Variants in FAT2 observed in about 807,000 individuals in gnomAD.
FAT2 encodes FAT atypical cadherin 2.
In FAT2, 150 loss-of-function variants were observed where a neutral mutation model predicts 295.3. The observed-to-expected ratio is 0.51, with a 90% confidence interval of 0.44 to 0.58. The LOEUF (loss-of-function observed/expected upper bound fraction) is 0.58, where lower values mean the gene tolerates loss of function less well. Among genes scored for constraint, FAT2 ranks in the 20% least tolerant of loss-of-function variants. FAT2 has a pLI of 0.00. For missense variants in FAT2, 4,868 were observed against 5,442.7 expected (o/e 0.89, Z 3.32); for synonymous variants, 2,026 against 2,150.3 (o/e 0.94, Z 1.60).
At chr5:151,550,989 C>T in intron 7 of FAT2, 118 bp from the exon 8 acceptor site, 1 of 815,476 alleles carries the variant, frequency 1.2e-6, no homozygotes. Flanking sequence ...TCAGCAATCA[C>T]TTGATAAATA....
chr5:151,566,496 G>A lies in FAT2; in HGVS notation c.2436C>T (p.Asp812=), dbSNP rs762885613. The change falls in exon 2 of 24, where the codon GAC becomes GAT. Residue 812 remains aspartate (D), a synonymous_variant. Transcript: ENST00000261800. ...SWKLLTVNVK[D]WNDNAPRFPP... ...GAAATCTGGGTGCGTTGTCATTCCA[G>A]TCTTTCACATTCACTGTCAGCAGCT... 3.1e-6 allele frequency: 5 copies of A among 1,614,040 alleles called. No homozygotes were observed. The highest frequency in any genetic ancestry group is 3.4e-6 in the Non-Finnish European group (4 of 1,179,996).
intron 1 of FAT2, among the ~76,000 whole-genome samples, chr5:151,574,813 G>C (rs13359319): frequency 0.035 from 5,070 of 144,444 alleles, 190 homozygotes; most frequent in African/African-American, 0.087. Context: ...GGCAGCCACT[G>C]TCAGATTCTC....
intron 8 of FAT2, 123 bp from the exon 9 acceptor site, chr5:151,549,628 A>G: frequency 1.4e-6 from 1 of 705,652 alleles, no homozygotes; most frequent in South Asian, 1.8e-5. Flanking sequence ...AACTCCCCAT[A>G]TTCTTTTAAA....
chr5:151,507,011 T>C (rs2127563925), intron 23 of FAT2, 143 bp downstream of exon 23: 2 of 694,238 alleles, frequency 2.9e-6, no homozygotes, highest in African/African-American at 1.8e-5. Flanking sequence ...TGCCCTGTAA[T>C]CTTGAACACA....
chr5:151,507,585 GAAC>G lies in FAT2; in HGVS notation c.12083_12085del (p.Cys4028del). On this transcript the variant is annotated inframe_deletion, in exon 23 of 24. Transcript: ENST00000261800. ...GGGAGTGACTAGGCAGTGTCCTTCT[GAAC>G]AACCCCTCGCCTCCATTTCACACCT... The G allele has an allele frequency of 6.2e-7, 1 of 1,610,878 alleles. No individual in the cohort carries two copies.
upstream of FAT2, among the ~76,000 whole-genome samples, chr5:151,591,846 T>C (rs1759424013): frequency 6.6e-6 from 1 of 152,184 alleles, no homozygotes; most frequent in African/African-American, 2.4e-5. Context: ...CTCATAAGGT[T>C]GTTATGAGAA....
upstream of FAT2, among the ~76,000 whole-genome samples, chr5:151,592,615 C>T (rs1044716795): frequency 1.3e-5 from 2 of 152,216 alleles, no homozygotes; most frequent in African/African-American, 4.8e-5. Flanking sequence ...AAGAATTATT[C>T]ATACCGTTGT....
Position 151,505,641 on chromosome 5 carries a change from G to C in FAT2, c.12974C>G (p.Pro4325Arg). 6.2e-7 allele frequency: 1 copy of C among 1,614,140 alleles called. No individual in the cohort carries two copies. Among genetic ancestry groups the C allele is most frequent in the South Asian group, 1.1e-5 (1 of 91,086 alleles). The change falls in exon 24 of 24, where the codon CCC becomes CGC. Residue 4325 changes from proline (P) to arginine (R), a missense_variant. Pro to Arg is a moderately radical substitution (Grantham distance 103, BLOSUM62 -2). This residue lies in a region of FAT2 where 492 missense variants were observed against 482.6 expected (regional missense o/e 1.02). Coordinates refer to ENST00000261800, the MANE Select transcript of FAT2 (RefSeq NM_001447.3). ...EGAPLAGQGQPRVPPNYEGSD... is the reference protein window; with the variant it reads ...EGAPLAGQGQRRVPPNYEGSD... Reference sequence around the variant, plus strand: ...GCCCTCATAGTTGGGGGGCACCCGGGGCTGGCCCTGGCCTGCAAGAGGTGC... The same window carrying C: ...GCCCTCATAGTTGGGGGGCACCCGGCGCTGGCCCTGGCCTGCAAGAGGTGC...
chr5:151,508,542 T>A (rs1399338744), intron 22 of FAT2, among the ~76,000 whole-genome samples: 2 of 152,066 alleles, frequency 1.3e-5, no homozygotes, highest in African/African-American at 4.8e-5. Flanking sequence ...AAACCCCGTA[T>A]CTACTAAAAA....
chr5:151,592,376 C>T (rs998713407), upstream of FAT2, among the ~76,000 whole-genome samples: 2 of 152,158 alleles, frequency 1.3e-5, no homozygotes, highest in African/African-American at 4.8e-5. Flanking sequence ...TAAATGAAAT[C>T]GCTCCTGCCC....
At position 151,505,899 on chromosome 5, in the gene FAT2, A is replaced by G. The variant is rs1489877027; in HGVS notation, c.12716T>C (p.Leu4239Pro). 6.3e-7 allele frequency: 1 copy of G among 1,596,550 alleles called. No homozygotes were observed. Among genetic ancestry groups the G allele is most frequent in the East Asian group, 2.2e-5 (1 of 44,654 alleles). ...PLEMENKRAP[L>P]PPRYSNQNLE... ...GTTCTGGTTGCTGTAACGGGGTGGG[A>G]GAGGTGCCCGCTTGTTTTCCATCTC... Residue 4239 changes from leucine to proline, a missense_variant, in exon 24 of 24, where the codon CTC becomes CCC. By Grantham distance (98) the Leu-to-Pro change is moderately conservative. Transcript: ENST00000261800.
chr5:151,567,094 T>A lies in FAT2; in HGVS notation c.1838A>T (p.Asn613Ile), dbSNP rs754186565. ...SGNELEYFDLNHFSGVISLKR... is the reference protein window; with the variant it reads ...SGNELEYFDLIHFSGVISLKR... The stretch of plus-strand genomic sequence containing the variant: ...GAGGGATATCACTCCGGAGAAATGA[T>A]TTAGATCAAAATACTCTAGTTCATT... Residue 613 changes from asparagine (N) to isoleucine (I), a missense_variant, in exon 2 of 24, where the codon AAT (asparagine) becomes ATT (isoleucine). Asn to Ile is a moderately radical substitution (Grantham distance 149, BLOSUM62 -3). This residue lies in a region of FAT2 where 3,297 missense variants were observed against 3,669.4 expected (regional missense o/e 0.90). Coordinates refer to ENST00000261800, the MANE Select transcript of FAT2 (RefSeq NM_001447.3). 23 of 1,614,164 alleles carry A rather than the reference T, an allele frequency of 1.4e-5. No individual in the cohort carries two copies. Among genetic ancestry groups the A allele is most frequent in the Non-Finnish European group, 1.9e-5 (23 of 1,180,020 alleles).
chr5:151,556,190 A>G lies in FAT2; in HGVS notation c.3633+154T>C, dbSNP rs1452346958. 4 of 671,078 alleles carry G rather than the reference A, an allele frequency of 6.0e-6. No individual in the cohort carries two copies. The Admixed American group carries it at 8.8e-5, about 15-fold the overall frequency. 41.6% of individuals were successfully genotyped at this position (671,078 alleles called of 1,614,324 possible). The stretch of plus-strand genomic sequence containing the variant: ...CCCTTCTCAGTGCTGAGGAGCTAGC[A>G]AAGATCCAAGGATCATCCAGCAAGG... On this transcript the variant is annotated intron_variant, in intron 4 of 23. Coordinates refer to ENST00000261800, the MANE Select transcript of FAT2 (RefSeq NM_001447.3).
rs55719915 is a variant in FAT2, at chr5:151,551,521, C to T, written c.4242G>A (p.Ser1414=). 2.3e-5 allele frequency: 37 copies of T among 1,614,062 alleles called. No homozygotes were observed. The highest frequency in any genetic ancestry group is 3.1e-5 in the Non-Finnish European group (37 of 1,180,036). The change falls in exon 7 of 24, where the codon TCG becomes TCA. Residue 1414 remains serine, a synonymous_variant. Coordinates refer to ENST00000261800, the MANE Select transcript of FAT2 (RefSeq NM_001447.3). ...TCACCTCAACAGTCAAGTTATAGTT[C>T]GACCTTCTCCTGGTATCAAGAGGCC... ...IARPLDTRRR[S]NYNLTVEVTD...
At chr5:151,518,811 C>A (rs1217818323) in intron 19 of FAT2, among the ~76,000 whole-genome samples, 1 of 152,200 alleles carries the variant, frequency 6.6e-6, no homozygotes, top group East Asian at 1.9e-4. Flanking sequence ...TTCTGTTGAA[C>A]CCCCTTTGGG....
chr5:151,539,418 GT>G (rs1364557743), intron 11 of FAT2, among the ~76,000 whole-genome samples: 1 of 152,204 alleles, frequency 6.6e-6, no homozygotes, highest in African/African-American at 2.4e-5. Flanking sequence ...ATGTGAATTT[GT>G]TACGTATAGT....
intron 1 of FAT2, among the ~76,000 whole-genome samples, chr5:151,582,622 C>T (rs7724472): frequency 0.42 from 63,504 of 151,948 alleles, 13,706 homozygotes; most frequent in Non-Finnish European, 0.48. Context: ...CTACCATGCC[C>T]CCTTTCAAAG....
chr5:151,553,211 C>T lies in FAT2; in HGVS notation c.4122G>A (p.Glu1374=), dbSNP rs776913406. ...TGAACCAGAAGAGTCCGGGTCTGCC[C>T]TCTACGCTGATGACCCCCACCATGT... The part of the protein sequence containing the change: ...VNHMVGVISV[E]GRPGLFWFNI... The change falls in exon 6 of 24, where the codon GAG becomes GAA. Residue 1374 remains glutamate (E), a synonymous_variant. Coordinates refer to ENST00000261800, the MANE Select transcript of FAT2 (RefSeq NM_001447.3). 4 of 1,614,270 alleles carry T rather than the reference C, an allele frequency of 2.5e-6. No homozygotes were observed. The Admixed American group carries it at 6.7e-5, about 27-fold the overall frequency.
chr5:151,576,054 T>C (rs1010712030), intron 1 of FAT2, among the ~76,000 whole-genome samples: 1 of 152,140 alleles, frequency 6.6e-6, no homozygotes, highest in African/African-American at 2.4e-5. Context: ...GAATGCTGGG[T>C]CCACTCATCT....
Sources: allele counts gnomAD v4.1 joint callset (sites outside exome capture counted in the v4.1 genomes callset), GRCh38; gene constraint gnomAD v4.1.1; regional missense constraint gnomAD v4.1.1; transcripts MANE v1.5; gene names NCBI Gene and HGNC (gene_info 2026-07-23, HGNC 2026-07-21).